Variants in RALGAPA1 observed in about 807,000 individuals in gnomAD.
RALGAPA1 encodes Ral GTPase activating protein catalytic subunit alpha 1, also known as ral GTPase-activating protein subunit alpha-1.
A neutral mutation model predicts 269.6 loss-of-function variants in RALGAPA1; 52 were observed. The observed-to-expected ratio is 0.19, with a 90% CI of 0.15 to 0.24. RALGAPA1 has a LOEUF of 0.24. Ranked by LOEUF, RALGAPA1 falls within the 10% of genes least tolerant of loss-of-function variation. The probability of loss-of-function intolerance (pLI) is 1.00; values close to 1 mark genes in which losing one functional copy is unlikely to be tolerated. For missense variants in RALGAPA1, 1,917 were observed against 3,013.9 expected (o/e 0.64, Z 8.52); for synonymous variants, 817 against 1,008.3 (o/e 0.81, Z 3.60).
intron 1 of RALGAPA1, among the ~76,000 whole-genome samples, chr14:35,780,036 G>C (rs1260641720): frequency 2.0e-5 from 3 of 152,160 alleles, no homozygotes; most frequent in East Asian, 3.9e-4. Context: ...GAACCCAGGA[G>C]GTGGAGGTTG....
chr14:35,590,826 G>A (rs1461905930), intron 37 of RALGAPA1, among the ~76,000 whole-genome samples: 1 of 152,200 alleles, frequency 6.6e-6, no homozygotes, highest in Non-Finnish European at 1.5e-5. Context: ...TTAGTGAAGT[G>A]CGAAGAGCTT....
intron 41 of RALGAPA1, 34 bp from the exon 42 acceptor site, chr14:35,539,724 T>C: frequency 6.2e-7 from 1 of 1,609,404 alleles, no homozygotes; most frequent in Non-Finnish European, 8.5e-7. Flanking sequence ...ACTACAGTTA[T>C]CCAGCCTCTC....
At chr14:35,595,133 C>T (rs1477202999) in intron 37 of RALGAPA1, among the ~76,000 whole-genome samples, 1 of 149,832 alleles carries the variant, frequency 6.7e-6, no homozygotes, top group Non-Finnish European at 1.5e-5. Flanking sequence ...GAGAATAACA[C>T]AGTGGTTACC....
chr14:35,634,906 C>G, intron 32 of RALGAPA1, 149 bp from the exon 33 acceptor site: 1 of 738,522 alleles, frequency 1.4e-6, no homozygotes, highest in East Asian at 3.1e-5. Flanking sequence ...GTGGCTCATG[C>G]CTGTAATCCC....
intron 39 of RALGAPA1, chr14:35,564,414 T>C (rs2056533388): frequency 6.6e-6 from 1 of 152,236 alleles, no homozygotes; most frequent in South Asian, 2.1e-4. Context: ...GCAACTGCAT[T>C]AGCAGAACCA....
At chr14:35,692,599 T>C (rs1188516810) in intron 17 of RALGAPA1, among the ~76,000 whole-genome samples, 2 of 151,754 alleles carry the variant, frequency 1.3e-5, no homozygotes, top group African/African-American at 4.8e-5. Flanking sequence ...CTGGTTTTTT[T>C]CTACCAATAT....
intron 16 of RALGAPA1, among the ~76,000 whole-genome samples, chr14:35,704,895 A>C (rs2067668116): frequency 6.6e-6 from 1 of 152,164 alleles, no homozygotes; most frequent in Admixed American, 6.5e-5. Flanking sequence ...AAAGTAAATA[A>C]ATGGAGAATG....
At chr14:35,540,265 A>G (rs1232990505) in intron 41 of RALGAPA1, among the ~76,000 whole-genome samples, 1 of 152,226 alleles carries the variant, frequency 6.6e-6, no homozygotes, top group African/African-American at 2.4e-5. Context: ...AGCAAGATAA[A>G]TTTGTGGATG....
At chr14:35,662,217 C>T (rs1160680585) in intron 27 of RALGAPA1, among the ~76,000 whole-genome samples, 1 of 152,072 alleles carries the variant, frequency 6.6e-6, no homozygotes. Context: ...AAGACAAAGT[C>T]AGGAATTATA....
intron 26 of RALGAPA1, among the ~76,000 whole-genome samples, chr14:35,668,961 A>G (rs2064177283): frequency 6.6e-6 from 1 of 152,188 alleles, no homozygotes; most frequent in South Asian, 2.1e-4. Context: ...GCTCCTAAAC[A>G]AAATGGATTA....
chr14:35,737,350 C>A (rs2071095294), intron 12 of RALGAPA1, among the ~76,000 whole-genome samples: 1 of 152,080 alleles, frequency 6.6e-6, no homozygotes, highest in African/African-American at 2.4e-5. Context: ...AAGTGGAGAA[C>A]AATTGGGCGA....
At chr14:35,635,853 T>A (rs542224306) in intron 31 of RALGAPA1, among the ~76,000 whole-genome samples, 10 of 152,278 alleles carry the variant, frequency 6.6e-5, no homozygotes, top group Admixed American at 2.0e-4. Flanking sequence ...AAAATTAATA[T>A]AAAAACAGCA....
intron 27 of RALGAPA1, among the ~76,000 whole-genome samples, chr14:35,663,587 A>ATT (rs371523411): frequency 0.11 from 14,683 of 132,206 alleles, 981 homozygotes; most frequent in South Asian, 0.13. Flanking sequence ...ACCCTTGGGA[A>ATT]TTTTTTTTTT....
At chr14:35,666,149 T>G (rs1045107365) in intron 26 of RALGAPA1, among the ~76,000 whole-genome samples, 3 of 151,886 alleles carry the variant, frequency 2.0e-5, no homozygotes, top group Non-Finnish European at 4.4e-5. Flanking sequence ...CTCAGACTCC[T>G]GAGTAGCTGG....
Position 35,649,903 on chromosome 14 carries a change from T to A in RALGAPA1, c.5676+1902A>T, listed in dbSNP as rs1594971181. The stretch of plus-strand genomic sequence containing the variant: ...TATGATAAATAAATGTTTAATAAAT[T>A]TAGTGGGCAAGAAAACAAAAACTTA... On this transcript the variant is annotated intron_variant, in intron 31 of 41. Coordinates refer to ENST00000680220, the MANE Select transcript of RALGAPA1 (RefSeq NM_001346249.2). Among the ~76,000 whole-genome samples the A allele has an allele frequency of 1.3e-5, 2 of 152,242 alleles. 1 individual carries two copies. The highest frequency in any genetic ancestry group is 2.9e-5 in the Non-Finnish European group (2 of 68,024).
chr14:35,693,573 C>T (rs1451938408), intron 17 of RALGAPA1, among the ~76,000 whole-genome samples: 1 of 151,908 alleles, frequency 6.6e-6, no homozygotes, highest in African/African-American at 2.4e-5. Flanking sequence ...AGAGAAACTC[C>T]TCTACTAACA....
rs201744354 is a variant in RALGAPA1, at chr14:35,721,789, C to T, written c.2165G>A (p.Arg722His). 10 of 1,612,376 alleles carry T rather than the reference C, an allele frequency of 6.2e-6. No individual in the cohort carries two copies. The highest frequency in any genetic ancestry group is 2.2e-5 in the East Asian group (1 of 44,876). Residue 722 changes from arginine (R) to histidine (H), a missense_variant, in exon 16 of 42, where the codon CGT (arginine) becomes CAT (histidine). Around this residue, in one of 11 missense-constraint regions of RALGAPA1, gnomAD observed 125 missense variants for 155.7 expected, o/e 0.80. Transcript: ENST00000680220. ...VDKSFSRGWS[R>H]DQPGQAPMRQ... ...CATTGGGGCTTGGCCAGGCTGATCA[C>T]GACTCCATCCTCTAGAAAATGACTT... is the stretch of plus-strand genomic sequence containing the variant.
chr14:35,675,040 TA>T (rs2064826105), intron 22 of RALGAPA1, among the ~76,000 whole-genome samples: 1 of 152,218 alleles, frequency 6.6e-6, no homozygotes, highest in Non-Finnish European at 1.5e-5. Flanking sequence ...CTCTCACTTT[TA>T]TCTAATAGCA....
At chr14:35,684,359 G>A (rs559840777) in intron 20 of RALGAPA1, among the ~76,000 whole-genome samples, 2 of 152,256 alleles carry the variant, frequency 1.3e-5, no homozygotes, top group South Asian at 2.1e-4. Context: ...TGATGTTATT[G>A]TAACAAGGGG....
Sources: allele counts gnomAD v4.1 joint callset (sites outside exome capture counted in the v4.1 genomes callset), GRCh38; gene constraint gnomAD v4.1.1; regional missense constraint gnomAD v4.1.1; transcripts MANE v1.5; gene names NCBI Gene and HGNC (gene_info 2026-07-23, HGNC 2026-07-21).